The following BIRC6 variants were observed in gnomAD, a reference collection of about 807,000 sequenced individuals.
BIRC6 encodes dual E2 ubiquitin-conjugating enzyme/E3 ubiquitin-protein ligase BIRC6.
Under a neutral mutation model 503.3 loss-of-function variants are expected in BIRC6, and 98 were observed. The ratio of observed to expected loss-of-function variants is 0.19; its 90% confidence interval spans 0.17 to 0.23. The LOEUF is 0.23. Among genes scored for constraint, BIRC6 ranks in the 10% least tolerant of loss-of-function variants. The pLI is 1.00. For missense variants in BIRC6, 5,360 were observed against 5,806.0 expected (o/e 0.92, Z 2.50); for synonymous variants, 2,240 against 2,078.7 (o/e 1.08, Z -2.11).
intron 66 of BIRC6, among the ~76,000 whole-genome samples, chr2:32,579,805 CT>C (rs920065255): frequency 6.2e-4 from 94 of 152,034 alleles, no homozygotes; most frequent in African/African-American, 2.2e-3. Flanking sequence ...ATGATTAACA[CT>C]GATAGGTGAG....
At chr2:32,470,018 C>T (rs2048952299) in intron 30 of BIRC6, 150 bp from the exon 31 acceptor site, 3 of 673,714 alleles carry the variant, frequency 4.5e-6, no homozygotes, top group South Asian at 4.1e-5. Context: ...CCTCCAGATA[C>T]AAATCTTGCT....
chr2:32,549,371 C>T lies in BIRC6; in HGVS notation c.13034C>T (p.Ser4345Phe). Residue 4345 changes from serine to phenylalanine, a missense_variant, in exon 65 of 74, where the codon TCT (serine) becomes TTT (phenylalanine). This residue lies in a region of BIRC6 where 477 missense variants were observed against 574.4 expected (regional missense o/e 0.83). Transcript: ENST00000421745. ...GCGGTAAATGGAGAAGCTCAGTCATCTCATGAGACTAGAGGGCAGAACAGT... is the reference window on the plus strand; with the variant it reads ...GCGGTAAATGGAGAAGCTCAGTCATTTCATGAGACTAGAGGGCAGAACAGT... ...SSAVNGEAQS[S>F]HETRGQNSNA... The T allele has an allele frequency of 6.6e-7, 1 of 1,506,472 alleles. No individual in the cohort carries two copies. Among genetic ancestry groups the T allele is most frequent in the Non-Finnish European group, 9.0e-7 (1 of 1,106,462 alleles). The allele number at this position is 1,506,472 out of a possible 1,614,324, so 93.3% of individuals were successfully genotyped here. A position where few individuals can be genotyped will look rare whatever the true frequency, so the allele number is the denominator to read the frequency against.
chr2:32,365,929 G>A (rs1020520657), intron 1 of BIRC6, among the ~76,000 whole-genome samples: 1 of 151,730 alleles, frequency 6.6e-6, no homozygotes, highest in Non-Finnish European at 1.5e-5. Flanking sequence ...CTGTTGCCCA[G>A]GCTGGAGTGC....
At chr2:32,370,170 T>C (rs1439527682) in intron 1 of BIRC6, among the ~76,000 whole-genome samples, 1 of 151,398 alleles carries the variant, frequency 6.6e-6, no homozygotes, top group African/African-American at 2.4e-5. Context: ...CTGTGATAAA[T>C]TGAACAATGT....
chr2:32,524,806 A>G, intron 57 of BIRC6, 82 bp from the exon 58 acceptor site: 1 of 1,037,326 alleles, frequency 9.6e-7, no homozygotes, highest in South Asian at 2.4e-5. Context: ...ATTATCTTGC[A>G]TAATCTCCCT....
At position 32,443,642 on chromosome 2, in the gene BIRC6, A is replaced by C. The variant is rs1255028068; in HGVS notation, c.4336+54A>C. 3.2e-6 allele frequency: 4 copies of C among 1,267,470 alleles called. No homozygotes were observed. The African/African-American group carries it at 4.5e-5, about 14-fold the overall frequency. The allele number at this position is 1,267,470 out of a possible 1,614,324, so 78.5% of individuals were successfully genotyped here. On this transcript the variant is annotated intron_variant, in intron 20 of 73. Transcript: ENST00000421745. ...GTTATAGTCATATGGAACATCTCAT[A>C]TGTATACTTAGGATTATTTCATAAC...
At chr2:32,541,404 G>A (rs755980149) in intron 61 of BIRC6, among the ~76,000 whole-genome samples, 4 of 152,038 alleles carry the variant, frequency 2.6e-5, no homozygotes, top group African/African-American at 9.7e-5. Flanking sequence ...TAGTGTAGCC[G>A]TAGATCAACT....
At chr2:32,458,725 C>T (rs953197798) in intron 23 of BIRC6, among the ~76,000 whole-genome samples, 3 of 119,502 alleles carry the variant, frequency 2.5e-5, no homozygotes, top group Non-Finnish European at 4.9e-5. Context: ...CAGAGTGAGA[C>T]ACTCTGTATC....
Position 32,415,568 on chromosome 2 carries a change from A to G in BIRC6, c.2277A>G (p.Ala759=), listed in dbSNP as rs777790977. 99 of 1,613,898 alleles carry G rather than the reference A, an allele frequency of 6.1e-5. No homozygotes were observed. Among genetic ancestry groups the G allele is most frequent in the Non-Finnish European group, 8.1e-5 (95 of 1,179,884 alleles). Residue 759 remains alanine (A), a synonymous_variant, in exon 10 of 74, where the codon GCA becomes GCG. Coordinates refer to ENST00000421745, the MANE Select transcript of BIRC6 (RefSeq NM_016252.4). ...LRTCPVESLS[A]INQVEALNNL... ...CATGCCCTGTTGAATCCTTGAGTGC[A>G]ATAAATCAAGTAGAGGCCTTGAATA...
At chr2:32,383,426 C>T (rs1027638069) in intron 3 of BIRC6, among the ~76,000 whole-genome samples, 4 of 152,134 alleles carry the variant, frequency 2.6e-5, no homozygotes, top group Non-Finnish European at 5.9e-5. Flanking sequence ...ATTACCTGTT[C>T]CTTATTAGCT....
intron 57 of BIRC6, 164 bp downstream of exon 57, chr2:32,519,110 G>A (rs1324082587): frequency 1.5e-6 from 1 of 683,652 alleles, no homozygotes; most frequent in African/African-American, 1.8e-5. Context: ...CAGTCAAGTG[G>A]ACAAAATGTA....
intron 1 of BIRC6, among the ~76,000 whole-genome samples, chr2:32,364,501 A>G (rs987550393): frequency 1.3e-4 from 20 of 152,158 alleles, no homozygotes; most frequent in Admixed American, 6.5e-5. Flanking sequence ...CTGGCCTCCC[A>G]AAGTGCTGGG....
intron 66 of BIRC6, among the ~76,000 whole-genome samples, chr2:32,591,156 CTTTTT>C (rs991409867): frequency 6.6e-6 from 1 of 152,040 alleles, no homozygotes; most frequent in Non-Finnish European, 1.5e-5. Context: ...TAGAGATTTT[CTTTTT>C]TTCGGTGTGT....
intron 1 of BIRC6, among the ~76,000 whole-genome samples, chr2:32,358,283 C>T (rs2033499882): frequency 6.6e-6 from 1 of 152,012 alleles, no homozygotes. Flanking sequence ...CACAGCGAGC[C>T]GAAAATTAGG....
chr2:32,565,496 A>G (rs2059474676), intron 65 of BIRC6: 1 of 152,196 alleles, frequency 6.6e-6, no homozygotes, highest in Non-Finnish European at 1.5e-5. Context: ...TACCAATAAC[A>G]GCTCATTAGG....
intron 1 of BIRC6, among the ~76,000 whole-genome samples, chr2:32,363,902 T>TA (rs977567469): frequency 6.6e-6 from 1 of 152,206 alleles, no homozygotes; most frequent in African/African-American, 2.4e-5. Flanking sequence ...GTGATTACTT[T>TA]AAAAAATGTT....
In BIRC6 at chr2:32,393,835, A is replaced by G. The variant is rs1034926220; in HGVS notation, c.952-1676A>G. 3.5e-4 allele frequency among the ~76,000 whole-genome samples: 54 copies of G among 152,150 alleles called. 1 individual carries two copies. Among genetic ancestry groups the G allele is most frequent in the African/African-American group, 1.3e-3 (52 of 41,418 alleles). On this transcript the variant is annotated intron_variant, in intron 5 of 73. Transcript: ENST00000421745. ...TGCGCCTGGCCTAATTTAAGAATTC[A>G]AGTACATTTTGAAGTACGTTAAAGT...
intron 65 of BIRC6, among the ~76,000 whole-genome samples, chr2:32,553,778 A>T (rs2150486598): frequency 6.6e-6 from 1 of 152,270 alleles, no homozygotes; most frequent in East Asian, 1.9e-4. Flanking sequence ...AATTAATCAG[A>T]TTTATCAAAG....
At position 32,419,425 on chromosome 2, in the gene BIRC6, C is replaced by T. The variant is rs143725800; in HGVS notation, c.2872+3262C>T. On this transcript the variant is annotated intron_variant, in intron 10 of 73. Coordinates refer to ENST00000421745, the MANE Select transcript of BIRC6 (RefSeq NM_016252.4). ...TGATAATTCAGGAATAGAATATATACACACTACATATAAAATTTTGTAAAA... is the reference window on the plus strand; with the variant it reads ...TGATAATTCAGGAATAGAATATATATACACTACATATAAAATTTTGTAAAA... Among the ~76,000 whole-genome samples, 329 of 151,998 alleles carry T rather than the reference C, an allele frequency of 2.2e-3. 2 individuals carry two copies. The highest frequency in any genetic ancestry group is 6.2e-3 in the Admixed American group (95 of 15,280).
Sources: gnomAD v4.1 joint callset for allele counts (sites outside exome capture counted in the v4.1 genomes callset) on GRCh38, gnomAD v4.1.1 for gene constraint, gnomAD v4.1.1 regional missense constraint, MANE v1.5 for transcripts, NCBI Gene and HGNC (gene_info 2026-07-23, HGNC 2026-07-21) for gene names.